Variants in SLC6A5 observed in about 807,000 individuals in gnomAD.
SLC6A5 encodes the protein solute carrier family 6 member 5.
A neutral mutation model predicts 90.5 loss-of-function variants in SLC6A5; 58 were observed. That is an observed-to-expected ratio of 0.64 (90% confidence interval 0.52 to 0.80). The LOEUF is 0.80. Among genes scored for constraint, SLC6A5 ranks in the 30% least tolerant of loss-of-function variants. The pLI is 0.00. For synonymous variants in SLC6A5, 427 were observed against 401.4 expected, an observed-to-expected ratio of 1.06 and a Z score of -0.76; for missense variants, 1,015 against 1,017.6, an observed-to-expected ratio of 1.00 and a Z score of 0.03.
chr11:20,635,477 T>C (rs977284353), intron 10 of SLC6A5, among the ~76,000 whole-genome samples: 23 of 152,086 alleles, frequency 1.5e-4, no homozygotes, highest in African/African-American at 4.8e-4. Context: ...CTGAAAGTGT[T>C]AGATTCATAT....
chr11:20,603,751 A>C (rs1188371952), intron 2 of SLC6A5, among the ~76,000 whole-genome samples: 1 of 152,172 alleles, frequency 6.6e-6, no homozygotes, highest in Non-Finnish European at 1.5e-5. Context: ...TGGCTTCGGC[A>C]TTGCAGCTCT....
chr11:20,606,989 C>A lies in SLC6A5; in HGVS notation c.680-18C>A, dbSNP rs578108542. 23 of 1,613,978 alleles carry A rather than the reference C, an allele frequency of 1.4e-5. No homozygotes were observed. In the South Asian group the frequency reaches 1.9e-4, roughly 13 times the overall value. On this transcript the variant is annotated intron_variant, in intron 3 of 15. Transcript: ENST00000525748. ...GCTTTTGCCTCCTAGGGCTCTCACT[C>A]CCCACTCTCTTTCCAAGGTGCTTTC...
chr11:20,630,280 G>A (rs1853083660), intron 9 of SLC6A5, among the ~76,000 whole-genome samples: 1 of 152,142 alleles, frequency 6.6e-6, no homozygotes, highest in South Asian at 2.1e-4. Flanking sequence ...ATTCCCTTCA[G>A]CCTATTTTAT....
intron 5 of SLC6A5, among the ~76,000 whole-genome samples, chr11:20,611,409 T>C (rs926360170): frequency 1.3e-5 from 2 of 152,210 alleles, no homozygotes; most frequent in African/African-American, 4.8e-5. Flanking sequence ...GAGCAGAGAT[T>C]GTGCCACTGC....
intron 10 of SLC6A5, among the ~76,000 whole-genome samples, chr11:20,631,341 G>GC (rs1289951887): frequency 6.6e-6 from 1 of 152,162 alleles, no homozygotes; most frequent in Non-Finnish European, 1.5e-5. Flanking sequence ...CAGACCTGCA[G>GC]TTTTTTTCCC....
At position 20,643,700 on chromosome 11, in the gene SLC6A5, T is replaced by G. The variant is rs567105176; in HGVS notation, c.1970-3134T>G. Among the ~76,000 whole-genome samples the G allele has an allele frequency of 4.6e-5, 7 of 152,332 alleles. No individual in the cohort carries two copies. In the East Asian group the frequency reaches 1.3e-3, roughly 29 times the overall value. On this transcript the variant is annotated intron_variant, in intron 13 of 15. Transcript: ENST00000525748. ...GACTGCTGTCAGACTTGCCTTAAAG[T>G]AGAGCAGGAAGCTCAGCTGCAACCT...
chr11:20,654,642 T>C, intron 15 of SLC6A5, 71 bp from the exon 16 acceptor site: 1 of 1,490,900 alleles, frequency 6.7e-7, no homozygotes, highest in Non-Finnish European at 9.4e-7. Flanking sequence ...AGTTTGGGGA[T>C]GAGTGGGTCG....
Position 20,631,340 on chromosome 11 carries a change from A to G in SLC6A5, c.1624+525A>G, listed in dbSNP as rs549761054. Among the ~76,000 whole-genome samples the G allele has an allele frequency of 1.8e-4, 27 of 152,302 alleles. No homozygotes were observed. In the East Asian group the frequency reaches 4.3e-3, roughly 24 times the overall value. On this transcript the variant is annotated intron_variant, in intron 10 of 15. Coordinates refer to ENST00000525748, the MANE Select transcript of SLC6A5 (RefSeq NM_004211.5). ...TGCTTAGTTAGCAATGCAGACCTGC[A>G]GTTTTTTTCCCCAGTGGGTAGAAAT...
intron 10 of SLC6A5, among the ~76,000 whole-genome samples, chr11:20,635,075 G>T (rs1005409422): frequency 6.6e-6 from 1 of 152,108 alleles, no homozygotes; most frequent in Admixed American, 6.6e-5. Flanking sequence ...AAGACCACAT[G>T]AAGTGTTCTA....
chr11:20,607,468 T>G lies in SLC6A5; in HGVS notation c.812-11T>G. 6.2e-7 allele frequency: 1 copy of G among 1,614,182 alleles called. No homozygotes were observed. Among genetic ancestry groups the G allele is most frequent in the East Asian group, 2.2e-5 (1 of 44,890 alleles). Reference sequence around the variant, plus strand: ...AGATGGAATGAACCCCTGGAATTTTTGCTTCTGCAGGCTGTGGCATCGCGA... The same window carrying G: ...AGATGGAATGAACCCCTGGAATTTTGGCTTCTGCAGGCTGTGGCATCGCGA... On this transcript the variant is annotated splice_polypyrimidine_tract_variant and intron_variant, in intron 4 of 15. Coordinates refer to ENST00000525748, the MANE Select transcript of SLC6A5 (RefSeq NM_004211.5).
At chr11:20,648,426 G>A (rs184338606) in intron 14 of SLC6A5, among the ~76,000 whole-genome samples, 39 of 152,198 alleles carry the variant, frequency 2.6e-4, no homozygotes, top group Admixed American at 4.6e-4. Flanking sequence ...GCGTTGACAT[G>A]AACATCATAC....
chr11:20,646,430 T>C (rs1425965516), intron 13 of SLC6A5, among the ~76,000 whole-genome samples: 5 of 152,154 alleles, frequency 3.3e-5, no homozygotes, highest in Non-Finnish European at 7.3e-5. Flanking sequence ...TTCCAATGCT[T>C]TCAGAATATG....
Position 20,659,050 on chromosome 11 carries a change from G to T in SLC6A5, c.*4182G>T, listed in dbSNP as rs1262276619. 1.9e-5 allele frequency: 1 copy of T among 53,154 alleles called. No individual in the cohort carries two copies. The highest frequency in any genetic ancestry group is 3.3e-5 in the Non-Finnish European group (1 of 30,078). The allele number at this position is 53,154 out of a possible 1,614,324, so 3.3% of individuals were successfully genotyped here. Reference sequence around the variant, plus strand: ...GAAAATATATTATGTTACAAATGATGCATCATATATATATATATATATATA... The same window carrying T: ...GAAAATATATTATGTTACAAATGATTCATCATATATATATATATATATATA... On this transcript the variant is annotated 3_prime_UTR_variant, in exon 16 of 16. Coordinates refer to ENST00000525748, the MANE Select transcript of SLC6A5 (RefSeq NM_004211.5).
chr11:20,655,047 C>A lies in SLC6A5; in HGVS notation c.*179C>A. On this transcript the variant is annotated 3_prime_UTR_variant, in exon 16 of 16. Coordinates refer to ENST00000525748, the MANE Select transcript of SLC6A5 (RefSeq NM_004211.5). ...TAGTGTCGCATGCTGCAGTAAAGAG[C>A]TACATAGACCACCTGAAGCGCTGTT... The A allele has an allele frequency of 1.4e-6, 1 of 707,040 alleles. No individual in the cohort carries two copies. The highest frequency in any genetic ancestry group is 2.5e-6 in the Non-Finnish European group (1 of 399,454). The allele number at this position is 707,040 out of a possible 1,614,324, so 43.8% of individuals were successfully genotyped here. A position where few individuals can be genotyped will look rare whatever the true frequency, so the allele number is the denominator to read the frequency against.
At position 20,628,098 on chromosome 11, in the gene SLC6A5, T is replaced by G. The variant is rs80286799; in HGVS notation, c.1499+15T>G. 1.9e-6 allele frequency: 3 copies of G among 1,592,848 alleles called. No homozygotes were observed. Among genetic ancestry groups the G allele is most frequent in the African/African-American group, 1.3e-5 (1 of 74,578 alleles). ...AACTGCTACAGGTATGTAGAGGTACTACAAGATCTGGGCATAGCTGGTGAG... is the reference window on the plus strand; with the variant it reads ...AACTGCTACAGGTATGTAGAGGTACGACAAGATCTGGGCATAGCTGGTGAG... On this transcript the variant is annotated intron_variant, in intron 9 of 15. Transcript: ENST00000525748.
At chr11:20,617,199 T>TAGGC in intron 6 of SLC6A5, among the ~76,000 whole-genome samples, 1 of 152,216 alleles carries the variant, frequency 6.6e-6, no homozygotes, top group East Asian at 1.9e-4. Flanking sequence ...GAGCAAGGTC[T>TAGGC]AGGCAGCCCT....
At chr11:20,630,069 A>G (rs1853079552) in intron 9 of SLC6A5, among the ~76,000 whole-genome samples, 1 of 152,156 alleles carries the variant, frequency 6.6e-6, no homozygotes, top group Admixed American at 6.5e-5. Flanking sequence ...AGAATACTAG[A>G]GTTTATTTCT....
chr11:20,654,031 T>G (rs1398642818), intron 15 of SLC6A5, among the ~76,000 whole-genome samples: 1 of 152,224 alleles, frequency 6.6e-6, no homozygotes, highest in Non-Finnish European at 1.5e-5. Flanking sequence ...CTTTCCTTTT[T>G]CTAGAAAATG....
chr11:20,622,484 A>G (rs1417179682), intron 7 of SLC6A5, among the ~76,000 whole-genome samples: 1 of 152,112 alleles, frequency 6.6e-6, no homozygotes, highest in African/African-American at 2.4e-5. Flanking sequence ...ATTTCTCATC[A>G]TGTGGCCCAT....
Sources: gnomAD v4.1 joint callset for allele counts (sites outside exome capture counted in the v4.1 genomes callset) on GRCh38, gnomAD v4.1.1 for gene constraint, MANE v1.5 for transcripts, NCBI Gene and HGNC (gene_info 2026-07-23, HGNC 2026-07-21) for gene names.